TRPC4: variants seen among roughly 807,000 people sequenced by gnomAD.
The protein encoded by TRPC4 is short transient receptor potential channel 4.
In TRPC4, 49 loss-of-function variants were observed where a neutral mutation model predicts 99.4. The ratio of observed to expected loss-of-function variants is 0.49; its 90% CI spans 0.39 to 0.63. The LOEUF (loss-of-function observed/expected upper bound fraction) is 0.63. Ranked by LOEUF, TRPC4 falls within the 20% of genes least tolerant of loss-of-function variation. The pLI is 0.00. For synonymous variants in TRPC4, 454 were observed against 425.9 expected (o/e 1.07, Z -0.81); for missense variants, 898 against 1,152.9 (o/e 0.78, Z 3.20).
intron 3 of TRPC4, among the ~76,000 whole-genome samples, chr13:37,703,809 A>T (rs1171047545): frequency 6.6e-6 from 1 of 152,142 alleles, no homozygotes; most frequent in Non-Finnish European, 1.5e-5. Context: ...ACATCTACCA[A>T]TGATACATCC....
chr13:37,698,091 C>G (rs9566252), intron 3 of TRPC4, among the ~76,000 whole-genome samples: 5 of 146,340 alleles, frequency 3.4e-5, no homozygotes, highest in Non-Finnish European at 6.0e-5. Context: ...ACCCCAGTAT[C>G]TGATTCAGTA....
chr13:37,702,577 C>A (rs1468370896), intron 3 of TRPC4, among the ~76,000 whole-genome samples: 2 of 152,080 alleles, frequency 1.3e-5, no homozygotes, highest in African/African-American at 4.8e-5. Flanking sequence ...TGAATTGTGG[C>A]ATTAGATCCC....
rs79825116 is a variant in TRPC4 at position 37,800,904 on chromosome 13, G to A, written c.-27-17544C>T. 8.3e-3 allele frequency among the ~76,000 whole-genome samples: 1,261 copies of A among 151,562 alleles called. 26 individuals carry two copies. In the East Asian group the frequency reaches 0.1, roughly 12 times the overall value. On this transcript the variant is annotated intron_variant, in intron 1 of 10. Transcript: ENST00000379705. ...TATTTCCCTTATATTTAATGGTTTC[G>A]GTTTTTAAGCTGAAAATCAGTAAAA... is the stretch of plus-strand genomic sequence containing the variant.
At chr13:37,767,943 T>C (rs1350273571) in intron 2 of TRPC4, among the ~76,000 whole-genome samples, 3 of 151,318 alleles carry the variant, frequency 2.0e-5, no homozygotes, top group Non-Finnish European at 3.0e-5. Context: ...ATAAATAGTA[T>C]CTAAAAAGAC....
Position 37,699,473 on chromosome 13 carries a change from T to C in TRPC4, c.898-7138A>G, listed in dbSNP as rs75231649. ...CATAAGGGAATACCAATAAGATAAC[T>C]AGTTGCCCAATTAAGTTTTTCAGCC... On this transcript the variant is annotated intron_variant, in intron 3 of 10. Coordinates refer to ENST00000379705, the MANE Select transcript of TRPC4 (RefSeq NM_016179.4). Among the ~76,000 whole-genome samples the C allele has an allele frequency of 6.3e-3, 964 of 152,270 alleles. 10 individuals carry two copies. Among genetic ancestry groups the C allele is most frequent in the African/African-American group, 0.022 (916 of 41,562 alleles).
chr13:37,698,442 T>G (rs1953995050), intron 3 of TRPC4, among the ~76,000 whole-genome samples: 1 of 151,820 alleles, frequency 6.6e-6, no homozygotes, highest in Admixed American at 6.6e-5. Context: ...AGGACTAACT[T>G]TTAATAACCA....
At chr13:37,842,343 C>CAAAAAAAA (rs57428116) in intron 1 of TRPC4, among the ~76,000 whole-genome samples, 18 of 15,624 alleles carry the variant, frequency 1.2e-3, no homozygotes, top group East Asian at 0.011. Flanking sequence ...AGCGTCTAGC[C>CAAAAAAAA]AAAAAAAAAA....
intron 2 of TRPC4, among the ~76,000 whole-genome samples, chr13:37,775,848 C>T (rs545486585): frequency 6.6e-6 from 1 of 150,960 alleles, no homozygotes; most frequent in Non-Finnish European, 1.5e-5. Flanking sequence ...CCTGTGTGTT[C>T]CAAATATATC....
At position 37,833,077 on chromosome 13, in the gene TRPC4, C is replaced by G. The variant is rs564523339; in HGVS notation, c.-28+36518G>C. ...TTCATAGTTCTTTTTTCTTGTTTAT[C>G]TCTTCCTAAGCTCCTTCATTATTGA... On this transcript the variant is annotated intron_variant, in intron 1 of 10. Coordinates refer to ENST00000379705, the MANE Select transcript of TRPC4 (RefSeq NM_016179.4). Among the ~76,000 whole-genome samples, 4 of 151,976 alleles carry G rather than the reference C, an allele frequency of 2.6e-5. No individual in the cohort carries two copies. In the South Asian group the frequency reaches 8.3e-4, roughly 32 times the overall value.
intron 1 of TRPC4, among the ~76,000 whole-genome samples, chr13:37,799,575 T>C (rs1957347345): frequency 6.6e-6 from 1 of 152,162 alleles, no homozygotes; most frequent in South Asian, 2.1e-4. Flanking sequence ...ACACTGACTA[T>C]CTCAGAATCT....
chr13:37,698,009 C>G (rs1042019195), intron 3 of TRPC4, among the ~76,000 whole-genome samples: 3 of 151,566 alleles, frequency 2.0e-5, no homozygotes, highest in Admixed American at 6.6e-5. Flanking sequence ...TAGGGACAAG[C>G]CATACAGTGG....
At chr13:37,819,345 T>A (rs1451883071) in intron 1 of TRPC4, among the ~76,000 whole-genome samples, 1 of 152,074 alleles carries the variant, frequency 6.6e-6, no homozygotes, top group Non-Finnish European at 1.5e-5. Flanking sequence ...CTCAAAGGAA[T>A]ACATATTATT....
intron 1 of TRPC4, among the ~76,000 whole-genome samples, chr13:37,836,576 A>G (rs1958572778): frequency 6.6e-6 from 1 of 152,148 alleles, no homozygotes. Flanking sequence ...CCTGCCCTAG[A>G]GATTTATGGA....
At chr13:37,648,985 A>G (rs994989776) in intron 8 of TRPC4, among the ~76,000 whole-genome samples, 1 of 133,932 alleles carries the variant, frequency 7.5e-6, no homozygotes, top group Non-Finnish European at 1.6e-5. Context: ...TATGAAATAC[A>G]TATTTCTTTG....
At chr13:37,762,077 T>A (rs2139243791) in intron 2 of TRPC4, among the ~76,000 whole-genome samples, 1 of 151,982 alleles carries the variant, frequency 6.6e-6, no homozygotes, top group East Asian at 1.9e-4. Context: ...ACCAGCAGGT[T>A]GGACTAGGAT....
At chr13:37,852,867 A>G (rs1000604244) in intron 1 of TRPC4, among the ~76,000 whole-genome samples, 4 of 152,148 alleles carry the variant, frequency 2.6e-5, no homozygotes, top group Non-Finnish European at 5.9e-5. Flanking sequence ...CACCAGATGA[A>G]GCTCCTTTGC....
At chr13:37,767,134 C>T (rs1956397571) in intron 2 of TRPC4, among the ~76,000 whole-genome samples, 1 of 151,142 alleles carries the variant, frequency 6.6e-6, no homozygotes, top group Non-Finnish European at 1.5e-5. Flanking sequence ...GTTTAAACTG[C>T]CAGTGTATTT....
chr13:37,791,398 TAA>T (rs11312586), intron 1 of TRPC4, among the ~76,000 whole-genome samples: 1,283 of 114,666 alleles, frequency 0.011, 5 homozygotes, highest in African/African-American at 0.035. Flanking sequence ...TCTGTCTCAA[TAA>T]AAAAAAAAAA....
Position 37,655,164 on chromosome 13 carries a change from G to T in TRPC4, c.1808C>A (p.Thr603Lys). 6.2e-7 allele frequency: 1 copy of T among 1,607,370 alleles called. No individual in the cohort carries two copies. The highest frequency in any genetic ancestry group is 1.1e-5 in the South Asian group (1 of 90,358). Residue 603 changes from threonine (T) to lysine (K), a missense_variant, in exon 7 of 11, where the codon ACA (threonine) becomes AAA (lysine). Physicochemically the swap from Thr to Lys is moderately conservative, Grantham distance 78. Around this residue, in one of 3 missense-constraint regions of TRPC4, gnomAD observed 274 missense variants for 454.9 expected, o/e 0.60. Coordinates refer to ENST00000379705, the MANE Select transcript of TRPC4 (RefSeq NM_016179.4). Reference sequence around the variant, plus strand: ...AACAACCAGAGAGATGACATTGTATGTCCCAAACATGGTGGCACCAACAAA... The same window carrying T: ...AACAACCAGAGAGATGACATTGTATTTCCCAAACATGGTGGCACCAACAAA... ...TEFVGATMFG[T>K]YNVISLVVLL...
Sources: allele counts gnomAD v4.1 joint callset (sites outside exome capture counted in the v4.1 genomes callset), GRCh38; gene constraint gnomAD v4.1.1; regional missense constraint gnomAD v4.1.1; transcripts MANE v1.5; gene names NCBI Gene and HGNC (gene_info 2026-07-23, HGNC 2026-07-21).